The following FBXW11 variants were observed in gnomAD, a reference collection of about 807,000 sequenced individuals.
FBXW11 encodes F-box and WD repeat domain containing 11, also known as F-box/WD repeat-containing protein 11.
In FBXW11, 19 loss-of-function variants were observed where a neutral mutation model predicts 77.6. That is an observed-to-expected ratio of 0.24 (90% CI 0.17 to 0.36). The LOEUF (loss-of-function observed/expected upper bound fraction) is 0.36, where lower values mean the gene tolerates loss of function less well. FBXW11 is among the 10% of genes least tolerant of loss of function. The pLI is 1.00. For synonymous variants in FBXW11, 235 were observed against 249.4 expected (o/e 0.94, Z 0.54); for missense variants, 334 against 704.2 (o/e 0.47, Z 5.95).
intron 6 of FBXW11, among the ~76,000 whole-genome samples, chr5:171,895,423 G>T (rs181889308): frequency 3.5e-3 from 526 of 152,224 alleles, no homozygotes; most frequent in South Asian, 0.022. Flanking sequence ...TTAATATCAG[G>T]TTTGCAAACC....
chr5:171,881,667 C>T (rs1758515103), intron 7 of FBXW11, among the ~76,000 whole-genome samples: 1 of 152,140 alleles, frequency 6.6e-6, no homozygotes, highest in South Asian at 2.1e-4. Flanking sequence ...TAATTTCTTA[C>T]TTAAATGTTT....
intron 7 of FBXW11, among the ~76,000 whole-genome samples, chr5:171,878,598 G>GTGTA: frequency 1.6e-5 from 1 of 63,406 alleles, no homozygotes; most frequent in African/African-American, 3.6e-5. Context: ...GTGTAAGAGA[G>GTGTA]AGAGAGTGTG....
intron 1 of FBXW11, among the ~76,000 whole-genome samples, chr5:171,992,885 G>T (rs1371668660): frequency 6.6e-6 from 1 of 151,866 alleles, no homozygotes; most frequent in Non-Finnish European, 1.5e-5. Context: ...ATATAAAGAG[G>T]CCACAAGGAA....
chr5:171,885,092 A>T (rs189170653), intron 7 of FBXW11, among the ~76,000 whole-genome samples: 1 of 152,226 alleles, frequency 6.6e-6, no homozygotes, highest in East Asian at 1.9e-4. Flanking sequence ...GGAGTTGTGT[A>T]TTTCCCTTCC....
intron 3 of FBXW11, among the ~76,000 whole-genome samples, chr5:171,911,899 T>C (rs2113936692): frequency 6.6e-6 from 1 of 152,362 alleles, no homozygotes; most frequent in Middle Eastern, 3.4e-3. Flanking sequence ...CTCAATACTT[T>C]TGTCAAACAT....
chr5:171,982,724 C>A (rs898083578), intron 1 of FBXW11, among the ~76,000 whole-genome samples: 7 of 152,248 alleles, frequency 4.6e-5, no homozygotes, highest in African/African-American at 1.7e-4. Context: ...AAAACTCCCA[C>A]AGCCCTTGTT....
Position 171,869,916 on chromosome 5 carries a change from A to G in FBXW11, c.1452-109T>C, listed in dbSNP as rs535982247. ...TCTGAACTGCCTATTTATAAAAGCTAATGGGGAACATGCTTATGTTTTTAC... is the reference window on the plus strand; with the variant it reads ...TCTGAACTGCCTATTTATAAAAGCTGATGGGGAACATGCTTATGTTTTTAC... On this transcript the variant is annotated intron_variant, in intron 11 of 13. Coordinates refer to ENST00000517395, the MANE Select transcript of FBXW11 (RefSeq NM_001378974.1). This position sits in a 1 kb window ranked among gnomAD's most constrained non-coding sequence, Gnocchi z 4.1. 6 of 561,044 alleles carry G rather than the reference A, an allele frequency of 1.1e-5. No individual in the cohort carries two copies. The East Asian group carries it at 1.7e-4, about 16-fold the overall frequency. The allele number at this position is 561,044 out of a possible 1,614,324, so 34.8% of individuals were successfully genotyped here.
chr5:171,894,303 G>A (rs998031305), intron 6 of FBXW11, among the ~76,000 whole-genome samples: 2 of 152,206 alleles, frequency 1.3e-5, no homozygotes, highest in African/African-American at 4.8e-5. Flanking sequence ...ATTCTAAGTT[G>A]AACAGAAGTT....
intron 1 of FBXW11, among the ~76,000 whole-genome samples, chr5:171,976,367 T>C (rs1166029613): frequency 6.6e-6 from 1 of 152,190 alleles, no homozygotes; most frequent in Non-Finnish European, 1.5e-5. Context: ...AGAAATAGCC[T>C]TTTGATATAA....
At chr5:171,972,124 C>T (rs71607589) in intron 1 of FBXW11, among the ~76,000 whole-genome samples, 2 of 150,152 alleles carry the variant, frequency 1.3e-5, no homozygotes, top group East Asian at 3.9e-4. Context: ...CACAGCTACT[C>T]TGAAGGCTGA....
At chr5:171,916,411 T>C (rs1311630676) in intron 2 of FBXW11, 2 of 982,574 alleles carry the variant, frequency 2.0e-6, no homozygotes, top group African/African-American at 1.8e-5. Context: ...AGGTCCACAA[T>C]GAGGGAGAGG....
intron 6 of FBXW11, among the ~76,000 whole-genome samples, chr5:171,896,775 C>T (rs535439984): frequency 1.8e-4 from 28 of 152,196 alleles, no homozygotes; most frequent in East Asian, 1.2e-3. Flanking sequence ...AATCACCCAA[C>T]GTGGTTTGAT....
At chr5:171,955,139 T>C (rs2113300888) in intron 2 of FBXW11, among the ~76,000 whole-genome samples, 1 of 152,356 alleles carries the variant, frequency 6.6e-6, no homozygotes, top group East Asian at 1.9e-4. Context: ...TTTTCCCTTC[T>C]AGACGATGGT....
intron 7 of FBXW11, among the ~76,000 whole-genome samples, chr5:171,889,819 C>T (rs767588904): frequency 1.3e-5 from 2 of 151,510 alleles, no homozygotes; most frequent in Non-Finnish European, 2.9e-5. Context: ...ACCCGGGAGG[C>T]GGAGGTTGCA....
chr5:171,878,590 GT>G (rs1230158416), intron 7 of FBXW11, among the ~76,000 whole-genome samples: 1,578 of 67,384 alleles, frequency 0.023, 27 homozygotes, highest in Non-Finnish European at 0.042. Flanking sequence ...GTGTGTGTGT[GT>G]AAGAGAGAGA....
chr5:171,974,940 A>T (rs2113450225), intron 1 of FBXW11, among the ~76,000 whole-genome samples: 1 of 152,252 alleles, frequency 6.6e-6, no homozygotes, highest in East Asian at 1.9e-4. Context: ...GACTACAGGC[A>T]CGCGCCACCA....
chr5:171,964,528 T>A (rs1764082707), intron 1 of FBXW11, among the ~76,000 whole-genome samples: 1 of 152,232 alleles, frequency 6.6e-6, no homozygotes, highest in Non-Finnish European at 1.5e-5. Flanking sequence ...TTAACCCAAC[T>A]TAGGAATTAT....
intron 1 of FBXW11, among the ~76,000 whole-genome samples, chr5:171,966,697 T>C (rs1413638668): frequency 6.6e-6 from 1 of 152,168 alleles, no homozygotes; most frequent in Non-Finnish European, 1.5e-5. Context: ...CCTAAGTACA[T>C]CTGGGCCTTT....
intron 1 of FBXW11, among the ~76,000 whole-genome samples, chr5:171,973,217 T>G (rs1243511777): frequency 6.6e-6 from 1 of 152,114 alleles, no homozygotes; most frequent in African/African-American, 2.4e-5. Flanking sequence ...GAACAAAATA[T>G]GTAGACCAAA....
Sources: gnomAD v4.1 joint callset for allele counts (sites outside exome capture counted in the v4.1 genomes callset) on GRCh38, gnomAD v4.1.1 for gene constraint, Gnocchi (gnomAD v3.1) non-coding constraint, MANE v1.5 for transcripts, NCBI Gene and HGNC (gene_info 2026-07-23, HGNC 2026-07-21) for gene names.